PRAG1: variants seen among roughly 807,000 people sequenced by gnomAD.
The protein encoded by PRAG1 is inactive tyrosine-protein kinase PRAG1.
A neutral mutation model predicts 95.6 loss-of-function variants in PRAG1; 110 were observed. That is an observed-to-expected ratio of 1.15 (90% confidence interval 0.99 to 1.35). PRAG1 has a LOEUF of 1.35. Among genes scored for constraint, PRAG1 ranks in the 40% most tolerant of loss-of-function variants. PRAG1 has a pLI of 0.00. For synonymous variants in PRAG1, 1,052 were observed against 819.4 expected (o/e 1.28, Z -4.85); for missense variants, 2,554 against 1,864.7 (o/e 1.37, Z -6.81).
chr8:8,368,609 G>A (rs1201274273), intron 3 of PRAG1, among the ~76,000 whole-genome samples: 12 of 152,106 alleles, frequency 7.9e-5, no homozygotes, highest in Non-Finnish European at 1.3e-4. Context: ...AATTCCTTGG[G>A]CCACTAACAG....
chr8:8,375,393 G>A (rs1031645898), intron 3 of PRAG1, among the ~76,000 whole-genome samples: 6 of 151,922 alleles, frequency 3.9e-5, no homozygotes, highest in African/African-American at 9.7e-5. Context: ...TAGTAGAGAC[G>A]GGGTTTCACT....
intron 2 of PRAG1, among the ~76,000 whole-genome samples, chr8:8,380,887 G>T (rs1800612605): frequency 6.7e-6 from 1 of 150,052 alleles, no homozygotes; most frequent in Non-Finnish European, 1.5e-5. Flanking sequence ...AATTAAGTGT[G>T]ATAATGGTAT....
intron 4 of PRAG1, among the ~76,000 whole-genome samples, chr8:8,331,155 C>A (rs890499779): frequency 6.6e-6 from 1 of 152,174 alleles, no homozygotes; most frequent in Non-Finnish European, 1.5e-5. Flanking sequence ...AACCTGCCTA[C>A]GGTCAGGATT....
chr8:8,345,858 A>G (rs1255131741), intron 3 of PRAG1, among the ~76,000 whole-genome samples: 2 of 152,218 alleles, frequency 1.3e-5, no homozygotes, highest in Non-Finnish European at 2.9e-5. Flanking sequence ...ATTAAAAAGC[A>G]TCCGCCCTGG....
Position 8,377,277 on chromosome 8 carries a change from GCTGC to G in PRAG1, c.1128_1131del (p.Lys376AsnfsTer9). 1 of 1,612,908 alleles carries G rather than the reference GCTGC, an allele frequency of 6.2e-7. No homozygotes were observed. The highest frequency in any genetic ancestry group is 1.1e-5 in the South Asian group (1 of 91,062). On this transcript the variant is annotated frameshift_variant, in exon 3 of 6. Transcript: ENST00000615670. LOFTEE classifies it high-confidence loss of function. The stretch of plus-strand genomic sequence containing the variant: ...GTCACCCCTGGGCAGCCAGGGTCCT[GCTGC>G]TTCTCTGGGGCAGGTTCCTTCATGA...
chr8:8,358,054 C>T (rs770812304), intron 3 of PRAG1, among the ~76,000 whole-genome samples: 3 of 152,174 alleles, frequency 2.0e-5, no homozygotes, highest in Non-Finnish European at 2.9e-5. Context: ...CAGAAGACTT[C>T]CCCCTACTTC....
Position 8,377,442 on chromosome 8 carries a change from G to T in PRAG1, c.967C>A (p.Leu323Met), listed in dbSNP as rs761905449. 22 of 1,555,810 alleles carry T rather than the reference G, an allele frequency of 1.4e-5. No homozygotes were observed. The highest frequency in any genetic ancestry group is 1.9e-5 in the Non-Finnish European group (22 of 1,151,906). The change falls in exon 3 of 6, where the codon CTG becomes ATG. Residue 323 changes from leucine (L) to methionine (M), a missense_variant. Leu to Met is a conservative substitution (Grantham distance 15, BLOSUM62 2). Coordinates refer to ENST00000615670, the MANE Select transcript of PRAG1 (RefSeq NM_001080826.3). ...SQGPTAHPSCLGPKKLSLTSE... is the reference protein window; with the variant it reads ...SQGPTAHPSCMGPKKLSLTSE... ...GTGAGGGACAGTTTCTTGGGGCCCA[G>T]GCAGGATGGGTGGGCAGTGGGGCCC... is the stretch of plus-strand genomic sequence containing the variant.
chr8:8,339,215 G>C (rs1799089270), intron 4 of PRAG1, among the ~76,000 whole-genome samples: 1 of 152,142 alleles, frequency 6.6e-6, no homozygotes, highest in East Asian at 1.9e-4. Flanking sequence ...CAAGGAAATA[G>C]GAGCCTTTCA....
chr8:8,353,023 A>G (rs1162734454), intron 3 of PRAG1, among the ~76,000 whole-genome samples: 1 of 152,226 alleles, frequency 6.6e-6, no homozygotes, highest in Non-Finnish European at 1.5e-5. Flanking sequence ...GGACACAACA[A>G]TTGTAAATAC....
Position 8,376,848 on chromosome 8 carries a change from GCC to G in PRAG1, c.1559_1560del (p.Gly520AlafsTer32). On this transcript the variant is annotated frameshift_variant, in exon 3 of 6. Transcript: ENST00000615670. LOFTEE classifies it high-confidence loss of function. ...SEVGEEETSAGQGLSSRESHA... is the reference protein window; with the variant it reads ...SEVGEEETSAXQGLSSRESHA... Reference sequence around the variant, plus strand: ...TGGCTTTCCCTGGAGCTCAGCCCCTGCCCAGCCGAAGTCTCCTCTTCACCTAC... The same window carrying G: ...TGGCTTTCCCTGGAGCTCAGCCCCTGCAGCCGAAGTCTCCTCTTCACCTAC... The G allele has an allele frequency of 6.2e-7, 1 of 1,612,936 alleles. No individual in the cohort carries two copies. The highest frequency in any genetic ancestry group is 8.5e-7 in the Non-Finnish European group (1 of 1,180,020).
At chr8:8,342,358 G>A (rs1159300860) in intron 3 of PRAG1, among the ~76,000 whole-genome samples, 1 of 151,478 alleles carries the variant, frequency 6.6e-6, no homozygotes, top group African/African-American at 2.4e-5. Context: ...ACCACGCCCC[G>A]CTAATTTTTT....
chr8:8,322,056 T>C (rs1798486869), intron 5 of PRAG1, among the ~76,000 whole-genome samples: 1 of 152,224 alleles, frequency 6.6e-6, no homozygotes, highest in Admixed American at 6.5e-5. Context: ...CCCTGAAAAA[T>C]GCTTATCTAA....
chr8:8,351,243 G>C (rs11786306), intron 3 of PRAG1, among the ~76,000 whole-genome samples: 64,076 of 151,690 alleles, frequency 0.42, 14,135 homozygotes, highest in East Asian at 0.64. Flanking sequence ...AAGAGAGTGA[G>C]GGAGGTGCCA....
rs780531174 is a variant in PRAG1, at chr8:8,376,911, G to T, written c.1498C>A (p.Gln500Lys). 1 of 1,613,314 alleles carries T rather than the reference G, an allele frequency of 6.2e-7. No individual in the cohort carries two copies. Among genetic ancestry groups the T allele is most frequent in the Non-Finnish European group, 8.5e-7 (1 of 1,180,012 alleles). The change falls in exon 3 of 6, where the codon CAG becomes AAG. Residue 500 changes from glutamine (Q) to lysine (K), a missense_variant. Transcript: ENST00000615670. Reference protein sequence around the residue: ...LSSPDSAVGVQWPRGPVSQNS... With the variant: ...LSSPDSAVGVKWPRGPVSQNS... The stretch of plus-strand genomic sequence containing the variant: ...TGGCTCACAGGCCCTCGTGGCCACT[G>T]CACCCCCACTGCAGAGTCAGGGCTG...
chr8:8,364,278 T>C (rs1327203394), intron 3 of PRAG1, among the ~76,000 whole-genome samples: 2 of 152,232 alleles, frequency 1.3e-5, no homozygotes, highest in Non-Finnish European at 2.9e-5. Context: ...TGAAGTTAAG[T>C]AGCTCTTCAA....
Position 8,328,140 on chromosome 8 carries a change from G to T in PRAG1, c.2642C>A (p.Pro881His). 6.2e-7 allele frequency: 1 copy of T among 1,614,236 alleles called. No homozygotes were observed. The highest frequency in any genetic ancestry group is 8.5e-7 in the Non-Finnish European group (1 of 1,180,038). Residue 881 changes from proline to histidine, a missense_variant, in exon 5 of 6, where the codon CCT (proline) becomes CAT (histidine). Coordinates refer to ENST00000615670, the MANE Select transcript of PRAG1 (RefSeq NM_001080826.3). Reference sequence around the variant, plus strand: ...ACTGCCTTTGAAAGCTTTCTCCAGAGGATCGGAAGAGGAGAAGACAGGATG... The same window carrying T: ...ACTGCCTTTGAAAGCTTTCTCCAGATGATCGGAAGAGGAGAAGACAGGATG... ...RHHPVFSSSD[P>H]LEKAFKGSGH...
intron 2 of PRAG1, 134 bp from the exon 3 acceptor site, chr8:8,378,212 G>T (rs1023787665): frequency 3.9e-6 from 4 of 1,023,366 alleles, no homozygotes; most frequent in Non-Finnish European, 4.1e-6. Context: ...CGCTGGGGCC[G>T]GGGACTCAGT....
chr8:8,323,757 C>A (rs1376295964), intron 5 of PRAG1, among the ~76,000 whole-genome samples: 1 of 152,158 alleles, frequency 6.6e-6, no homozygotes, highest in Non-Finnish European at 1.5e-5. Context: ...AATTAAATCT[C>A]TTTCCCTTGT....
rs1364598189 is a variant in PRAG1 at position 8,381,712 on chromosome 8, C to T, written c.36G>A (p.Leu12=). 6.2e-7 allele frequency: 1 copy of T among 1,604,496 alleles called. No individual in the cohort carries two copies. Among genetic ancestry groups the T allele is most frequent in the Admixed American group, 1.7e-5 (1 of 59,724 alleles). ...HQTLCLNPES[L]KMSACSDFVE... The stretch of plus-strand genomic sequence containing the variant: ...CAAAGTCACTGCACGCAGACATTTT[C>T]AGGCTCTCGGGGTTCAGGCAGAGGG... The change falls in exon 2 of 6, where the codon CTG becomes CTA. Residue 12 remains leucine, a synonymous_variant. Coordinates refer to ENST00000615670, the MANE Select transcript of PRAG1 (RefSeq NM_001080826.3).
Sources: gnomAD v4.1 joint callset for allele counts (sites outside exome capture counted in the v4.1 genomes callset) on GRCh38, gnomAD v4.1.1 for gene constraint, MANE v1.5 for transcripts, NCBI Gene and HGNC (gene_info 2026-07-23, HGNC 2026-07-21) for gene names.